ANO6: variants seen among roughly 807,000 people sequenced by gnomAD.
ANO6 encodes the protein anoctamin-6.
A neutral mutation model predicts 117.5 loss-of-function variants in ANO6; 106 were observed. The observed-to-expected ratio is 0.90, with a 90% CI of 0.77 to 1.06. The LOEUF (loss-of-function observed/expected upper bound fraction) is 1.06, where lower values mean the gene tolerates loss of function less well. Among genes scored for constraint, ANO6 ranks in the 50% least tolerant of loss-of-function variants. The pLI, the probability that ANO6 is intolerant of heterozygous loss-of-function variation, is 0.00. For missense variants in ANO6, 955 were observed against 1,121.1 expected (o/e 0.85, Z 2.12); for synonymous variants, 367 against 385.1 (o/e 0.95, Z 0.55).
chr12:45,236,590 G>C (rs61923830), intron 1 of ANO6, among the ~76,000 whole-genome samples: 9 of 152,108 alleles, frequency 5.9e-5, no homozygotes, highest in African/African-American at 2.2e-4. Context: ...AGTATTCCAC[G>C]GTGTATATGT....
At chr12:45,255,418 G>A (rs1269950498) in intron 1 of ANO6, among the ~76,000 whole-genome samples, 1 of 152,138 alleles carries the variant, frequency 6.6e-6, no homozygotes, top group Non-Finnish European at 1.5e-5. Context: ...CAGGAGAATT[G>A]CTTGAACCCG....
Position 45,431,309 on chromosome 12 carries a change from G to T in ANO6, c.*1998G>T, listed in dbSNP as rs1943627260. 4.1e-6 allele frequency: 4 copies of T among 985,246 alleles called. No individual in the cohort carries two copies. Among genetic ancestry groups the T allele is most frequent in the Admixed American group, 6.2e-5 (1 of 16,260 alleles). 61.0% of individuals were successfully genotyped at this position (985,246 alleles called of 1,614,324 possible). On this transcript the variant is annotated 3_prime_UTR_variant, in exon 20 of 20. Coordinates refer to ENST00000320560, the MANE Select transcript of ANO6 (RefSeq NM_001025356.3). The stretch of plus-strand genomic sequence containing the variant: ...CCTGAGATACTGCTTCTGGAAGCGG[G>T]TGTCACTTCCTCTCTAGTACCTCTT...
intron 1 of ANO6, among the ~76,000 whole-genome samples, chr12:45,219,495 C>G (rs1177224882): frequency 2.0e-5 from 3 of 148,786 alleles, no homozygotes. Context: ...TGACACCATG[C>G]CTGGCCAATT....
Position 45,430,341 on chromosome 12 carries a change from C to CA in ANO6, c.*1031dup, listed in dbSNP as rs1943603083. ...ACAGCCATTGGGGTACAACTGTGTG[C>CA]ATGGGCAGAAACAGCAAGTGCCCTC... On this transcript the variant is annotated 3_prime_UTR_variant, in exon 20 of 20. Transcript: ENST00000320560. 7.1e-6 allele frequency: 7 copies of CA among 985,312 alleles called. No individual in the cohort carries two copies. Among genetic ancestry groups the CA allele is most frequent in the African/African-American group, 3.5e-5 (2 of 57,216 alleles). 61.0% of individuals were successfully genotyped at this position (985,312 alleles called of 1,614,324 possible).
At chr12:45,405,108 T>A (rs1592026414) in intron 15 of ANO6, among the ~76,000 whole-genome samples, 1 of 152,072 alleles carries the variant, frequency 6.6e-6, no homozygotes, top group Non-Finnish European at 1.5e-5. Context: ...TTTTTTTTTT[T>A]ATCCTACTCC....
At chr12:45,396,703 TTGACAGACC>T (rs1942624829) in intron 12 of ANO6, among the ~76,000 whole-genome samples, 1 of 152,190 alleles carries the variant, frequency 6.6e-6, no homozygotes, top group Admixed American at 6.5e-5. Context: ...CATTTGATCT[TTGACAGACC>T]TGACAAAAAC....
intron 3 of ANO6, among the ~76,000 whole-genome samples, chr12:45,334,290 G>A (rs1565698624): frequency 6.6e-6 from 1 of 152,016 alleles, no homozygotes; most frequent in Non-Finnish European, 1.5e-5. Context: ...AACTCAAAAT[G>A]GCTTAAATGC....
downstream of ANO6, among the ~76,000 whole-genome samples, chr12:45,433,754 G>A (rs1943676204): frequency 6.6e-6 from 1 of 152,194 alleles, no homozygotes; most frequent in South Asian, 2.1e-4. Context: ...AGGCTGCCTT[G>A]CAGCATTCCT....
intron 1 of ANO6, among the ~76,000 whole-genome samples, chr12:45,230,538 C>T (rs1258902521): frequency 2.0e-5 from 3 of 150,904 alleles, no homozygotes; most frequent in South Asian, 4.2e-4. Flanking sequence ...AACAACTAAA[C>T]GGAGAAATAT....
Position 45,317,113 on chromosome 12 carries a change from G to GTGTGTGTGTATATATATA in ANO6, c.151-14181_151-14180insGTGTGTGTATATATATAT. 7.0e-3 allele frequency among the ~76,000 whole-genome samples: 467 copies of GTGTGTGTGTATATATATA among 66,458 alleles called. 41 individuals are homozygous for GTGTGTGTGTATATATATA. The highest frequency in any genetic ancestry group is 0.016 in the African/African-American group (389 of 24,328). 43.6% of individuals were successfully genotyped at this position (66,458 alleles called of 152,430 possible). ...AAAGACAGCTGGATTCTTTTTATAT[G>GTGTGTGTGTATATATATA]TATATATATATATATATATTTATTA... On this transcript the variant is annotated intron_variant, in intron 2 of 19. Transcript: ENST00000320560.
chr12:45,401,025 A>G (rs1263738906), intron 12 of ANO6, among the ~76,000 whole-genome samples: 1 of 152,198 alleles, frequency 6.6e-6, no homozygotes, highest in East Asian at 1.9e-4. Context: ...AAAATCTCTT[A>G]CTGGGGATTA....
At chr12:45,417,322 A>C (rs562591421) in intron 17 of ANO6, among the ~76,000 whole-genome samples, 3 of 152,346 alleles carry the variant, frequency 2.0e-5, no homozygotes, top group Non-Finnish European at 2.9e-5. Flanking sequence ...CATATTCCAA[A>C]GCATCACCCT....
intron 2 of ANO6, among the ~76,000 whole-genome samples, chr12:45,329,484 A>G (rs934763685): frequency 1.3e-5 from 2 of 152,156 alleles, no homozygotes; most frequent in Non-Finnish European, 2.9e-5. Context: ...GTTTGCATGC[A>G]GACCAGATTA....
At chr12:45,290,712 G>A (rs2137275962) in intron 1 of ANO6, among the ~76,000 whole-genome samples, 1 of 152,256 alleles carries the variant, frequency 6.6e-6, no homozygotes, top group East Asian at 1.9e-4. Context: ...TTACTCTTCA[G>A]CTATCTATTT....
chr12:45,397,686 G>T (rs1447334267), intron 12 of ANO6, among the ~76,000 whole-genome samples: 1 of 152,178 alleles, frequency 6.6e-6, no homozygotes, highest in Admixed American at 6.5e-5. Flanking sequence ...TCTGTTGCAG[G>T]GACATGGATG....
intron 15 of ANO6, among the ~76,000 whole-genome samples, chr12:45,404,136 T>G (rs1186948967): frequency 6.6e-6 from 1 of 152,196 alleles, no homozygotes; most frequent in Non-Finnish European, 1.5e-5. Flanking sequence ...CTTTTAAGAA[T>G]AGAGGTTCTT....
chr12:45,228,385 C>T lies in ANO6; in HGVS notation c.70+11994C>T, dbSNP rs146564835. ...AACTCTTGGGCTCAAGCAGTCCTCC[C>T]GCCTCAGCCTCTCAAAGTGCTGAGA... On this transcript the variant is annotated intron_variant, in intron 1 of 19. Coordinates refer to ENST00000320560, the MANE Select transcript of ANO6 (RefSeq NM_001025356.3). The T allele has an allele frequency of 3.1e-3, 730 of 235,878 alleles. 7 individuals are homozygous for T. Among genetic ancestry groups the T allele is most frequent in the Middle Eastern group, 9.0e-3 (5 of 556 alleles). The allele number at this position is 235,878 out of a possible 1,614,324, so 14.6% of individuals were successfully genotyped here. A position where few individuals can be genotyped will look rare whatever the true frequency, so the allele number is the denominator to read the frequency against.
intron 12 of ANO6, among the ~76,000 whole-genome samples, chr12:45,393,361 G>A (rs1326483130): frequency 1.3e-5 from 2 of 152,204 alleles, no homozygotes; most frequent in African/African-American, 4.8e-5. Context: ...GACCAAATAT[G>A]TGTTTGATTG....
At chr12:45,266,681 G>A (rs1401859866) in intron 1 of ANO6, among the ~76,000 whole-genome samples, 3 of 152,030 alleles carry the variant, frequency 2.0e-5, no homozygotes, top group African/African-American at 7.2e-5. Flanking sequence ...CTTGTAGTTC[G>A]AGCTACTTGA....
Sources: gnomAD v4.1 joint callset for allele counts (sites outside exome capture counted in the v4.1 genomes callset) on GRCh38, gnomAD v4.1.1 for gene constraint, MANE v1.5 for transcripts, NCBI Gene and HGNC (gene_info 2026-07-23, HGNC 2026-07-21) for gene names.